The following ANKAR variants were observed in gnomAD, a reference collection of about 807,000 sequenced individuals.
ANKAR encodes the protein ankyrin and armadillo repeat-containing protein.
A neutral mutation model predicts 146.2 loss-of-function variants in ANKAR; 136 were observed. The ratio of observed to expected loss-of-function variants is 0.93; its 90% CI spans 0.81 to 1.07. The LOEUF (loss-of-function observed/expected upper bound fraction) is 1.07. ANKAR is among the 50% of genes least tolerant of loss of function. ANKAR has a pLI of 0.00. For synonymous variants in ANKAR, 500 were observed against 575.8 expected, an observed-to-expected ratio of 0.87 and a Z score of 1.88; for missense variants, 1,567 against 1,679.9, an observed-to-expected ratio of 0.93 and a Z score of 1.18.
chr2:189,741,525 A>T (rs1205585183), intron 20 of ANKAR, 74 bp downstream of exon 20: 11 of 1,035,506 alleles, frequency 1.1e-5, no homozygotes, highest in Admixed American at 2.4e-5. Flanking sequence ...CTGTGGACTA[A>T]TTTTTCCACT....
In ANKAR at chr2:189,696,157, CATT is replaced by C; in HGVS notation, c.1497_1499del (p.Phe500del). ...TGGCCTTCTTAATTTTAGAGTATTC[CATT>C]TGGTATGAAGTCCGCTGTTGAAAGA... is the stretch of plus-strand genomic sequence containing the variant. On this transcript the variant is annotated inframe_deletion, in exon 7 of 23. Coordinates refer to ENST00000684021, the MANE Select transcript of ANKAR (RefSeq NM_001378068.1). 6.2e-7 allele frequency: 1 copy of C among 1,613,504 alleles called. No individual in the cohort carries two copies. Among genetic ancestry groups the C allele is most frequent in the Non-Finnish European group, 8.5e-7 (1 of 1,179,826 alleles).
At position 189,689,140 on chromosome 2, in the gene ANKAR, GT is replaced by G. The variant is rs562438297; in HGVS notation, c.602-383del. Among the ~76,000 whole-genome samples, 38 of 152,232 alleles carry G rather than the reference GT, an allele frequency of 2.5e-4. No homozygotes were observed. The East Asian group carries it at 6.9e-3, about 28-fold the overall frequency. On this transcript the variant is annotated intron_variant, in intron 2 of 22. Coordinates refer to ENST00000684021, the MANE Select transcript of ANKAR (RefSeq NM_001378068.1). The stretch of plus-strand genomic sequence containing the variant: ...TCACCATTGCCTGGCATGGCCCTAG[GT>G]TTTCTTTATAGTTTGGTATCTTATT...
intron 2 of ANKAR, among the ~76,000 whole-genome samples, chr2:189,684,041 C>T (rs1467580014): frequency 6.6e-6 from 1 of 152,110 alleles, no homozygotes; most frequent in African/African-American, 2.4e-5. Flanking sequence ...AGGGTGGATC[C>T]CTTCATCTAA....
chr2:189,706,458 ATATCTTTAC>A (rs1034532526), intron 8 of ANKAR, among the ~76,000 whole-genome samples: 6 of 152,144 alleles, frequency 3.9e-5, no homozygotes, highest in African/African-American at 1.4e-4. Context: ...GCCAAACAAA[ATATCTTTAC>A]TATCTAAAAA....
intron 11 of ANKAR, 68 bp from the exon 12 acceptor site, chr2:189,720,551 G>T (rs899254244): frequency 7.7e-6 from 9 of 1,174,172 alleles, no homozygotes; most frequent in African/African-American, 3.2e-5. Flanking sequence ...CGGCCAACTT[G>T]TATTTCTAAA....
chr2:189,715,888 G>C (rs1404132644), intron 10 of ANKAR, among the ~76,000 whole-genome samples: 1 of 152,094 alleles, frequency 6.6e-6, no homozygotes, highest in African/African-American at 2.4e-5. Context: ...AAATTCAACA[G>C]CCCTTCATGC....
chr2:189,718,306 CTA>C (rs1559111610), intron 10 of ANKAR, among the ~76,000 whole-genome samples: 12 of 82,688 alleles, frequency 1.5e-4, no homozygotes, highest in Non-Finnish European at 1.9e-4. Flanking sequence ...CTATATCTAT[CTA>C]TATATCTATC....
chr2:189,683,848 T>C (rs2035119205), intron 2 of ANKAR, among the ~76,000 whole-genome samples: 1 of 152,226 alleles, frequency 6.6e-6, no homozygotes, highest in Non-Finnish European at 1.5e-5. Flanking sequence ...GAAAGCCAAC[T>C]CTTTTTCAGA....
Position 189,739,572 on chromosome 2 carries a change from T to G in ANKAR, c.3700+890T>G, listed in dbSNP as rs535881556. On this transcript the variant is annotated intron_variant, in intron 19 of 22. Transcript: ENST00000684021. The stretch of plus-strand genomic sequence containing the variant: ...GTAGTGGGTTTAGACTCCACAGTTT[T>G]TTTTTTTTTTGAGATGGAGTCTCAC... 5.3e-5 allele frequency among the ~76,000 whole-genome samples: 8 copies of G among 152,098 alleles called. 1 individual carries two copies. In the East Asian group the frequency reaches 1.5e-3, roughly 29 times the overall value.
chr2:189,700,846 G>T (rs1025676866), intron 7 of ANKAR, among the ~76,000 whole-genome samples: 3 of 152,112 alleles, frequency 2.0e-5, no homozygotes, highest in Non-Finnish European at 4.4e-5. Context: ...CATCCATGTT[G>T]TTGCAAATGA....
At chr2:189,753,023 T>C (rs1574862862) in intron 18 of ANKAR, 1 of 1,515,070 alleles carries the variant, frequency 6.6e-7, no homozygotes, top group Non-Finnish European at 8.8e-7. Context: ...TATATGGATA[T>C]GAACCAAGCT....
Position 189,694,983 on chromosome 2 carries a change from A to G in ANKAR, c.1310A>G (p.Tyr437Cys). The change falls in exon 6 of 23, where the codon TAC (tyrosine) becomes TGC (cysteine). Residue 437 changes from tyrosine (Y) to cysteine (C), a missense_variant and splice_region_variant. By Grantham distance (194) the Tyr-to-Cys change is radical. Transcript: ENST00000684021. ...TTTTTTTTCTTTATTTTTTATAGCT[A>G]CTATGTGATCTATTTTGAACTAGAA... ...IPVMEFHGKS[Y>C]YVIYFELETF... 1 of 1,492,264 alleles carries G rather than the reference A, an allele frequency of 6.7e-7. No individual in the cohort carries two copies. The highest frequency in any genetic ancestry group is 9.0e-7 in the Non-Finnish European group (1 of 1,116,158). The allele number at this position is 1,492,264 out of a possible 1,614,324, so 92.4% of individuals were successfully genotyped here.
intron 2 of ANKAR, among the ~76,000 whole-genome samples, chr2:189,687,344 T>C (rs913422639): frequency 6.6e-6 from 1 of 152,216 alleles, no homozygotes; most frequent in Non-Finnish European, 1.5e-5. Context: ...GTACCACTTT[T>C]TCTTTATCCA....
At chr2:189,708,257 T>C (rs1360744435) in intron 9 of ANKAR, among the ~76,000 whole-genome samples, 1 of 152,218 alleles carries the variant, frequency 6.6e-6, no homozygotes, top group African/African-American at 2.4e-5. Context: ...TGCAGTACAG[T>C]ACAAAAAGAT....
At chr2:189,695,247 G>T in intron 6 of ANKAR, 86 bp downstream of exon 6, 2 of 1,122,160 alleles carry the variant, frequency 1.8e-6, no homozygotes, top group Non-Finnish European at 2.4e-6. Context: ...TTATCCTAGG[G>T]ATAATAATAG....
chr2:189,676,416 C>G, intron 1 of ANKAR, 40 bp from the exon 2 acceptor site: 1 of 1,428,312 alleles, frequency 7.0e-7, no homozygotes, highest in South Asian at 1.5e-5. Context: ...ATTGGCATGT[C>G]AGATTTTATT....
At chr2:189,726,433 C>T (rs2041884927) in intron 12 of ANKAR, among the ~76,000 whole-genome samples, 1 of 152,056 alleles carries the variant, frequency 6.6e-6, no homozygotes. Flanking sequence ...AGGCATGCAC[C>T]ACTGCACCCA....
intron 4 of ANKAR, chr2:189,692,790 C>T (rs2036616700): frequency 7.9e-6 from 2 of 254,454 alleles, no homozygotes; most frequent in Admixed American, 5.5e-5. Flanking sequence ...AACAGAGATC[C>T]TTTAAAATTT....
intron 17 of ANKAR, among the ~76,000 whole-genome samples, chr2:189,736,138 C>G (rs985818781): frequency 2.0e-5 from 3 of 152,210 alleles, no homozygotes; most frequent in South Asian, 2.1e-4. Context: ...TGTCCTGTAT[C>G]TGATACTACC....
Sources: allele counts gnomAD v4.1 joint callset (sites outside exome capture counted in the v4.1 genomes callset), GRCh38; gene constraint gnomAD v4.1.1; transcripts MANE v1.5; gene names NCBI Gene and HGNC (gene_info 2026-07-23, HGNC 2026-07-21).